Variants in HYDIN observed in about 807,000 individuals in gnomAD.
HYDIN encodes the protein axonemal central pair apparatus protein HYDIN.
HYDIN carries 132 observed loss-of-function variants against 403.9 expected under a neutral mutation model. That is an observed-to-expected ratio of 0.33 (90% CI 0.28 to 0.38). The LOEUF (loss-of-function observed/expected upper bound fraction) is 0.38, where lower values mean the gene tolerates loss of function less well. HYDIN is among the 10% of genes least tolerant of loss of function. The pLI is 1.00. For synonymous variants in HYDIN, 1,202 were observed against 1,891.7 expected (o/e 0.64, Z 9.46); for missense variants, 2,827 against 5,009.5 (o/e 0.56, Z 13.15).
intron 47 of HYDIN, among the ~76,000 whole-genome samples, chr16:70,917,953 C>T (rs1263378985): frequency 6.6e-6 from 1 of 151,146 alleles, no homozygotes; most frequent in Non-Finnish European, 1.5e-5. Context: ...CCAATGGGGA[C>T]TGCAAAGGTT....
chr16:71,074,707 C>CAAAAAAAAAAAAAAAAAAAAAAAAA (rs59315287), intron 13 of HYDIN, among the ~76,000 whole-genome samples: 1 of 86,238 alleles, frequency 1.2e-5, no homozygotes. Context: ...CAAAAAACAC[C>CAAAAAAAAAAAAAAAAAAAAAAAAA]AAAAAAAAAA....
intron 5 of HYDIN, among the ~76,000 whole-genome samples, chr16:71,173,715 T>C (rs2086556338): frequency 6.6e-6 from 1 of 152,202 alleles, no homozygotes; most frequent in Admixed American, 6.5e-5. Context: ...TTTATGTATA[T>C]ACTGAAAAGC....
chr16:70,945,413 C>T (rs775360169), intron 41 of HYDIN, among the ~76,000 whole-genome samples: 2 of 152,174 alleles, frequency 1.3e-5, no homozygotes, highest in Non-Finnish European at 2.9e-5. Flanking sequence ...TTTTGAGATG[C>T]CTCTAAGCCC....
chr16:71,192,110 A>G (rs2087466629), intron 1 of HYDIN, among the ~76,000 whole-genome samples: 1 of 152,182 alleles, frequency 6.6e-6, no homozygotes, highest in South Asian at 2.1e-4. Context: ...CAGTTCACAC[A>G]GTAGCAAAGC....
At chr16:71,184,685 A>G (rs2087060041) in intron 3 of HYDIN, among the ~76,000 whole-genome samples, 180 bp downstream of exon 3, 2 of 152,210 alleles carry the variant, frequency 1.3e-5, no homozygotes, top group Admixed American at 1.3e-4. Flanking sequence ...AGAGGTTTGC[A>G]CTTGCAGTCT....
intron 13 of HYDIN, among the ~76,000 whole-genome samples, chr16:71,072,740 T>C (rs1339221056): frequency 2.0e-5 from 3 of 152,032 alleles, no homozygotes; most frequent in Non-Finnish European, 4.4e-5. Flanking sequence ...TCCATGTGAT[T>C]ACAAGTATTT....
rs1463276447 is a variant in HYDIN, at chr16:70,941,664, G to A, written c.6825C>T (p.Ala2275=). 5.7e-6 allele frequency: 9 copies of A among 1,578,792 alleles called. No homozygotes were observed. The highest frequency in any genetic ancestry group is 2.7e-5 in the African/African-American group (2 of 73,194). The change falls in exon 43 of 86, where the codon GCC becomes GCT. Residue 2275 remains alanine (A), a synonymous_variant. Coordinates refer to ENST00000393567, the MANE Select transcript of HYDIN (RefSeq NM_001270974.2). The part of the protein sequence containing the change: ...NMAQDYAAMK[A]QEKAKKEQEE... ...CTTGCTCCTTTTTGGCTTTCTCCTG[G>A]GCCTTCATGGCTGCGTAATCCTGGG...
chr16:70,868,472 C>T (rs1161635370), intron 66 of HYDIN, 98 bp downstream of exon 66: 8 of 1,458,268 alleles, frequency 5.5e-6, no homozygotes, highest in Non-Finnish European at 6.4e-6. Flanking sequence ...GGAACCTTTT[C>T]TTTTTACTGT....
intron 1 of HYDIN, among the ~76,000 whole-genome samples, chr16:71,210,208 A>T (rs1464937192): frequency 6.6e-6 from 1 of 152,206 alleles, no homozygotes; most frequent in Non-Finnish European, 1.5e-5. Flanking sequence ...ACACATGCAC[A>T]CGTATGTTCA....
chr16:70,943,972 G>C (rs1268849938), intron 41 of HYDIN, 23 bp from the exon 42 acceptor site: 2 of 1,562,186 alleles, frequency 1.3e-6, no homozygotes, highest in Non-Finnish European at 8.7e-7. Flanking sequence ...AGAAGGATCA[G>C]GAGTCAGAAT....
At chr16:71,157,180 G>C (rs1276636763) in intron 6 of HYDIN, among the ~76,000 whole-genome samples, 1 of 151,598 alleles carries the variant, frequency 6.6e-6, no homozygotes, top group Non-Finnish European at 1.5e-5. Flanking sequence ...TAACAGACAT[G>C]CAAAGAAAGT....
chr16:70,978,663 C>T (rs2502654), intron 30 of HYDIN, among the ~76,000 whole-genome samples: 686 of 151,594 alleles, frequency 4.5e-3, no homozygotes, highest in African/African-American at 0.014. Context: ...CTTAATAGAT[C>T]AGCCATCTGA....
chr16:71,114,880 G>C (rs2083960869), intron 10 of HYDIN, among the ~76,000 whole-genome samples: 1 of 80,762 alleles, frequency 1.2e-5, no homozygotes, highest in African/African-American at 5.2e-5. Flanking sequence ...GTCATCATCA[G>C]GTTGCCATCC....
chr16:71,117,836 T>G (rs529143192), intron 9 of HYDIN, among the ~76,000 whole-genome samples: 24 of 151,848 alleles, frequency 1.6e-4, no homozygotes, highest in Admixed American at 5.9e-4. Context: ...CCAATTTGGG[T>G]TTATTAATTA....
chr16:71,117,701 C>A (rs1013464262), intron 9 of HYDIN, among the ~76,000 whole-genome samples: 1 of 151,864 alleles, frequency 6.6e-6, no homozygotes, highest in Non-Finnish European at 1.5e-5. Context: ...CAGACAGTCC[C>A]TGGTGCATTC....
At chr16:71,229,962 G>T (rs2144785154) in intron 1 of HYDIN, among the ~76,000 whole-genome samples, 1 of 152,246 alleles carries the variant, frequency 6.6e-6, no homozygotes, top group Non-Finnish European at 1.5e-5. Flanking sequence ...TCTCATGATA[G>T]TGACTGAGTC....
At chr16:71,104,153 C>T (rs371440327) in intron 10 of HYDIN, among the ~76,000 whole-genome samples, 301 of 151,060 alleles carry the variant, frequency 2.0e-3, no homozygotes, top group African/African-American at 7.0e-3. Context: ...TCTCCAGCAT[C>T]GTCTCCACAG....
At chr16:70,931,630 A>G (rs1258971194) in intron 45 of HYDIN, among the ~76,000 whole-genome samples, 3 of 152,126 alleles carry the variant, frequency 2.0e-5, no homozygotes, top group Non-Finnish European at 4.4e-5. Context: ...GCTGATATAG[A>G]GAAAATCAGA....
chr16:70,944,765 ATT>A (rs1001906259), intron 41 of HYDIN, among the ~76,000 whole-genome samples: 29 of 152,220 alleles, frequency 1.9e-4, no homozygotes, highest in African/African-American at 6.5e-4. Flanking sequence ...ATTTTATTAT[ATT>A]TTTGAGATGG....
Sources: gnomAD v4.1 joint callset for allele counts (sites outside exome capture counted in the v4.1 genomes callset) on GRCh38, gnomAD v4.1.1 for gene constraint, MANE v1.5 for transcripts, NCBI Gene and HGNC (gene_info 2026-07-23, HGNC 2026-07-21) for gene names.